Variants in MXD3 observed in about 807,000 individuals in gnomAD.
MXD3 encodes MAX dimerization protein 3, also known as Max-associated protein 3.
MXD3 carries 20 observed loss-of-function variants against 27.5 expected under a neutral mutation model. That is an observed-to-expected ratio of 0.73 (90% confidence interval 0.51 to 1.06). The LOEUF is 1.06. Among genes scored for constraint, MXD3 ranks in the 50% least tolerant of loss-of-function variants. MXD3 has a pLI of 0.00. For missense variants in MXD3, 298 were observed against 291.3 expected (o/e 1.02, Z -0.17); for synonymous variants, 150 against 130.7 (o/e 1.15, Z -1.01).
chr5:177,308,120 C>T, intron 4 of MXD3, 156 bp from the exon 5 acceptor site: 1 of 674,040 alleles, frequency 1.5e-6, no homozygotes. Flanking sequence ...CACCCACATC[C>T]TCCAGAAAGC....
At position 177,307,864 on chromosome 5, in the gene MXD3, G is replaced by A; in HGVS notation, c.422C>T (p.Ala141Val). Residue 141 changes from alanine to valine, a missense_variant, in exon 5 of 6, where the codon GCA becomes GTA. Physicochemically the swap from Ala to Val is moderately conservative, Grantham distance 64. Coordinates refer to ENST00000439742, the MANE Select transcript of MXD3 (RefSeq NM_031300.4). ...QRQLEQLRGL[A>V]GAAERERLRA... ...CAGCCGCTCCCGCTCGGCCGCCCCT[G>A]CCAGCCCCCGGAGCTGCTCCAGCTG... 6.2e-7 allele frequency: 1 copy of A among 1,609,284 alleles called. No individual in the cohort carries two copies.
In MXD3 at chr5:177,311,783, C is replaced by T. The variant is rs769313166; in HGVS notation, c.48G>A (p.Glu16=). The T allele has an allele frequency of 1.2e-6, 2 of 1,613,352 alleles. No homozygotes were observed. The highest frequency in any genetic ancestry group is 1.7e-6 in the Non-Finnish European group (2 of 1,179,648). The part of the protein sequence containing the change: ...SNIQVLLQAA[E]FLERREREAE... ...CACCTCTCTCACGGCGCTCCAGGAA[C>T]TCGGCCGCCTGCAGCAGGACCTGGA... The change falls in exon 1 of 6, where the codon GAG becomes GAA. Residue 16 remains glutamate, a synonymous_variant. Transcript: ENST00000439742.
At chr5:177,308,041 C>A in intron 4 of MXD3, 77 bp from the exon 5 acceptor site, 1 of 1,353,524 alleles carries the variant, frequency 7.4e-7, no homozygotes, top group East Asian at 2.5e-5. Flanking sequence ...CACTCAGTAC[C>A]GGGCCACGGC....
downstream of MXD3, chr5:177,305,892 T>G: frequency 6.2e-7 from 1 of 1,614,080 alleles, no homozygotes. Flanking sequence ...ACGATGTGTT[T>G]ACTGTGTGAA....
chr5:177,307,932 C>T lies in MXD3; in HGVS notation c.354G>A (p.Gln118=), dbSNP rs778362662. ...KLEDQEQRAR[Q]LKERLRSKQQ... is the part of the protein sequence containing the mutation. ...GCTTGCTGCGCAGCCTCTCCTTGAG[C>T]TGTCGGGCCCGCTGCTCCTGATCCT... The change falls in exon 5 of 6, where the codon CAG becomes CAA. Residue 118 remains glutamine (Q), a synonymous_variant. Transcript: ENST00000439742. 7.0e-6 allele frequency: 11 copies of T among 1,580,578 alleles called. No individual in the cohort carries two copies. The highest frequency in any genetic ancestry group is 9.5e-6 in the Non-Finnish European group (11 of 1,163,202).
rs573644234 is a variant in MXD3 at position 177,307,551 on chromosome 5, C to T, written c.*37G>A. 30 of 1,604,396 alleles carry T rather than the reference C, an allele frequency of 1.9e-5. No homozygotes were observed. The highest frequency in any genetic ancestry group is 9.0e-5 in the East Asian group (4 of 44,510). ...TCCTGCCTGGCAAGTGGGCCTGGCA[C>T]GAGTAGAGGGCAGAGGCCCGCCCTG... is the stretch of plus-strand genomic sequence containing the variant. On this transcript the variant is annotated 3_prime_UTR_variant, in exon 6 of 6. Transcript: ENST00000439742.
intron 2 of MXD3, chr5:177,310,907 C>T (rs929299670): frequency 2.6e-5 from 16 of 624,510 alleles, no homozygotes; most frequent in Non-Finnish European, 4.2e-5. Flanking sequence ...AGAAGCCTGC[C>T]CAGGTGGGTA....
downstream of MXD3, chr5:177,306,261 T>G (rs1760871578): frequency 1.3e-6 from 2 of 1,555,616 alleles, no homozygotes; most frequent in East Asian, 4.5e-5. Flanking sequence ...GTCATTGCCC[T>G]GCTCTGAGCT....
At chr5:177,308,490 G>A (rs948074953) in intron 4 of MXD3, among the ~76,000 whole-genome samples, 4 of 151,664 alleles carry the variant, frequency 2.6e-5, no homozygotes, top group South Asian at 2.1e-4. Context: ...CCCTAGTCTC[G>A]GCCTCACAAG....
At chr5:177,309,028 G>A (rs1368969029) in intron 4 of MXD3, among the ~76,000 whole-genome samples, 2 of 152,246 alleles carry the variant, frequency 1.3e-5, no homozygotes, top group Non-Finnish European at 2.9e-5. Flanking sequence ...GATAAGAGCT[G>A]CCGAGGCAAA....
At position 177,307,623 on chromosome 5, in the gene MXD3, G is replaced by A. The variant is rs1760917875; in HGVS notation, c.586C>T (p.His196Tyr). The A allele has an allele frequency of 6.2e-6, 10 of 1,613,224 alleles. No individual in the cohort carries two copies. Among genetic ancestry groups the A allele is most frequent in the Non-Finnish European group, 8.5e-6 (10 of 1,179,952 alleles). The stretch of plus-strand genomic sequence containing the variant: ...GCGCCGCCGCCGTGCGAGTAGCTGT[G>A]CTCCTGGCCGGCGACGAAGCCCCGC... ...LLRGFVAGQE[H>Y]SYSHGGGAWL Residue 196 changes from histidine to tyrosine, a missense_variant, in exon 6 of 6, where the codon CAC becomes TAC. Transcript: ENST00000439742.
intron 2 of MXD3, 121 bp downstream of exon 2, chr5:177,311,258 G>T: frequency 1.7e-6 from 1 of 601,064 alleles, no homozygotes; most frequent in South Asian, 2.6e-5. Flanking sequence ...GGAGGGGTCT[G>T]AACGCTTCCT....
chr5:177,305,977 C>G, downstream of MXD3: 1 of 1,613,802 alleles, frequency 6.2e-7, no homozygotes, highest in Non-Finnish European at 8.5e-7. Context: ...GTCTCCAGAG[C>G]TGTCCAGGTG....
chr5:177,310,416 G>T lies in MXD3; in HGVS notation c.321+10C>A. 6.2e-7 allele frequency: 1 copy of T among 1,606,150 alleles called. No individual in the cohort carries two copies. ...GGGCAAGCCAGTCCGGGCGCAGTGG[G>T]GGGCCTCACCTGGATGTGCATCCTG... is the stretch of plus-strand genomic sequence containing the variant. On this transcript the variant is annotated intron_variant, in intron 4 of 5. Transcript: ENST00000439742.
rs550670778 is a variant in MXD3 at position 177,310,347 on chromosome 5, C to T, written c.321+79G>A. On this transcript the variant is annotated intron_variant, in intron 4 of 5. Coordinates refer to ENST00000439742, the MANE Select transcript of MXD3 (RefSeq NM_031300.4). ...TGAGCTCTGACCTCAGGTCTCGTTC[C>T]CCAGTCCCACCAGCCCCTCCATAGC... is the stretch of plus-strand genomic sequence containing the variant. The T allele has an allele frequency of 5.2e-6, 6 of 1,162,488 alleles. No individual in the cohort carries two copies. In the African/African-American group the frequency reaches 7.6e-5, roughly 15 times the overall value. 72.0% of individuals were successfully genotyped at this position (1,162,488 alleles called of 1,614,324 possible).
chr5:177,311,998 A>G (rs1252686639), upstream of MXD3: 4 of 1,280,738 alleles, frequency 3.1e-6, no homozygotes, highest in South Asian at 4.8e-5. Context: ...CCCCTCTGGA[A>G]CCCGCCACGG....
At chr5:177,306,257 G>A (rs922512799), downstream of MXD3, 68 of 1,564,694 alleles carry the variant, frequency 4.3e-5, no homozygotes, top group Non-Finnish European at 5.3e-5. Context: ...GTTAGTCATT[G>A]CCCTGCTCTG....
At chr5:177,310,769 T>G in intron 2 of MXD3, 72 bp from the exon 3 acceptor site, 1 of 1,576,042 alleles carries the variant, frequency 6.3e-7, no homozygotes. Flanking sequence ...GGGCCCCCAG[T>G]GGCTCAAGAG....
At position 177,311,850 on chromosome 5, in the gene MXD3, G is replaced by T. The variant is rs769278763; in HGVS notation, c.-20C>A. On this transcript the variant is annotated 5_prime_UTR_variant, in exon 1 of 6. Transcript: ENST00000439742. ...TTCCATGTCGGCGACAGCTGGCGGC[G>T]GGCCGGCCTAGGGTGCCGGCCGGAG... is the stretch of plus-strand genomic sequence containing the variant. 6.8e-6 allele frequency: 11 copies of T among 1,609,076 alleles called. No individual in the cohort carries two copies. The highest frequency in any genetic ancestry group is 1.7e-4 in the Middle Eastern group (1 of 6,034).
Sources: allele counts gnomAD v4.1 joint callset (sites outside exome capture counted in the v4.1 genomes callset), GRCh38; gene constraint gnomAD v4.1.1; transcripts MANE v1.5; gene names NCBI Gene and HGNC (gene_info 2026-07-23, HGNC 2026-07-21).